ALPL: variants seen among roughly 807,000 people sequenced by gnomAD.
ALPL encodes the protein alkaline phosphatase, tissue-nonspecific isozyme.
A neutral mutation model predicts 51.3 loss-of-function variants in ALPL; 42 were observed. The observed-to-expected ratio is 0.82, with a 90% CI of 0.64 to 1.06. The LOEUF (loss-of-function observed/expected upper bound fraction) is 1.06, where lower values mean the gene tolerates loss of function less well. Among genes scored for constraint, ALPL ranks in the 50% least tolerant of loss-of-function variants. The pLI, the probability that ALPL is intolerant of heterozygous loss-of-function variation, is 0.00. For synonymous variants in ALPL, 279 were observed against 296.4 expected, an observed-to-expected ratio of 0.94 and a Z score of 0.60; for missense variants, 589 against 709.4, an observed-to-expected ratio of 0.83 and a Z score of 1.93.
intron 6 of ALPL, among the ~76,000 whole-genome samples, chr1:21,565,129 C>T (rs1471571554): frequency 6.6e-6 from 1 of 152,200 alleles, no homozygotes; most frequent in African/African-American, 2.4e-5. Context: ...TTTCTCTCCA[C>T]CACCAGACAA....
intron 4 of ALPL, among the ~76,000 whole-genome samples, chr1:21,561,543 C>A (rs1644485044): frequency 6.6e-6 from 1 of 152,108 alleles, no homozygotes; most frequent in African/African-American, 2.4e-5. Context: ...GTGTGTACCA[C>A]CACATATGGA....
intron 1 of ALPL, among the ~76,000 whole-genome samples, chr1:21,550,387 T>C (rs1644305444): frequency 6.6e-6 from 1 of 152,082 alleles, no homozygotes; most frequent in Non-Finnish European, 1.5e-5. Flanking sequence ...AGAGCCTTGG[T>C]TTTCTCATCT....
chr1:21,560,321 C>T (rs911606515), intron 2 of ALPL, among the ~76,000 whole-genome samples: 4 of 152,228 alleles, frequency 2.6e-5, no homozygotes, highest in Admixed American at 1.3e-4. Context: ...GGCTTTGGAG[C>T]GAAACCCAGC....
chr1:21,560,612 C>G lies in ALPL; in HGVS notation c.62-14C>G, dbSNP rs151321449. ...TCCTTACCCCGCCAAGTAACTGCCT[C>G]TCTCTGTGTTTAGAGAAAGAGAAAG... On this transcript the variant is annotated splice_polypyrimidine_tract_variant and intron_variant, in intron 2 of 11. Coordinates refer to ENST00000374840, the MANE Select transcript of ALPL (RefSeq NM_000478.6). The G allele has an allele frequency of 3.7e-6, 6 of 1,613,770 alleles. No individual in the cohort carries two copies. Among genetic ancestry groups the G allele is most frequent in the Admixed American group, 3.3e-5 (2 of 60,014 alleles).
At chr1:21,556,261 T>C (rs1644412386) in intron 2 of ALPL, among the ~76,000 whole-genome samples, 1 of 152,198 alleles carries the variant, frequency 6.6e-6, no homozygotes, top group African/African-American at 2.4e-5. Flanking sequence ...AATTCACATT[T>C]CTTATGAATG....
intron 1 of ALPL, among the ~76,000 whole-genome samples, chr1:21,534,959 G>A (rs1168542780): frequency 3.9e-5 from 6 of 151,996 alleles, no homozygotes; most frequent in Non-Finnish European, 8.8e-5. Flanking sequence ...CTTTTTCCCC[G>A]CTGTACTTAC....
chr1:21,552,606 C>T (rs1644347355), intron 1 of ALPL, among the ~76,000 whole-genome samples: 1 of 152,112 alleles, frequency 6.6e-6, no homozygotes, highest in African/African-American at 2.4e-5. Context: ...GAGACAGGGT[C>T]TCGCTGTGTT....
chr1:21,552,497 AAAG>A (rs1644345361), intron 1 of ALPL, among the ~76,000 whole-genome samples: 1 of 152,076 alleles, frequency 6.6e-6, no homozygotes, highest in Non-Finnish European at 1.5e-5. Context: ...AAAAAAAGAA[AAAG>A]AAAAAATCTT....
At chr1:21,559,027 T>C (rs906144876) in intron 2 of ALPL, among the ~76,000 whole-genome samples, 1 of 151,752 alleles carries the variant, frequency 6.6e-6, no homozygotes, top group Non-Finnish European at 1.5e-5. Context: ...AGCCAGTGCG[T>C]GTGTGAGGAA....
At chr1:21,575,409 G>A (rs941757297) in intron 9 of ALPL, among the ~76,000 whole-genome samples, 6 of 152,160 alleles carry the variant, frequency 3.9e-5, no homozygotes, top group African/African-American at 1.2e-4. Context: ...AGGCTTCAGT[G>A]CCTCCTTCAA....
At chr1:21,574,550 C>T (rs1375317778) in intron 9 of ALPL, 5 of 152,606 alleles carry the variant, frequency 3.3e-5, no homozygotes, top group East Asian at 1.9e-4. Context: ...CATGCACACA[C>T]GTGAACATGT....
chr1:21,513,852 G>A (rs987429885), intron 1 of ALPL, among the ~76,000 whole-genome samples: 5 of 152,210 alleles, frequency 3.3e-5, no homozygotes, highest in East Asian at 1.9e-4. Flanking sequence ...CACAGTGGCT[G>A]GAGCTGATTA....
At chr1:21,509,251 C>A (rs1643629545), upstream of ALPL, 1 of 149,716 alleles carries the variant, frequency 6.7e-6, no homozygotes, top group East Asian at 2.0e-4. This position sits in a 1 kb window ranked among gnomAD's most constrained non-coding sequence, Gnocchi z 6.0. Context: ...CGGCAGGGGG[C>A]GCCCTGGCCT....
At chr1:21,552,637 C>G (rs969737111) in intron 1 of ALPL, among the ~76,000 whole-genome samples, 3 of 152,164 alleles carry the variant, frequency 2.0e-5, no homozygotes, top group Admixed American at 6.5e-5. Flanking sequence ...GTCTCCAACT[C>G]CAGGCCTGAA....
At position 21,570,860 on chromosome 1, in the gene ALPL, G is replaced by A. The variant is rs376699270; in HGVS notation, c.862+486G>A. ...GCCCAGGGGCAGCTTCAGGTCTGGT[G>A]GGATGCAGCCCTGAGCACCACCATG... On this transcript the variant is annotated intron_variant, in intron 8 of 11. Transcript: ENST00000374840. Among the ~76,000 whole-genome samples the A allele has an allele frequency of 5.9e-5, 9 of 152,332 alleles. 1 individual carries two copies. In the East Asian group the frequency reaches 1.7e-3, roughly 29 times the overall value.
intron 1 of ALPL, among the ~76,000 whole-genome samples, chr1:21,525,097 T>A (rs550657011): frequency 4.6e-5 from 7 of 152,378 alleles, no homozygotes; most frequent in African/African-American, 1.7e-4. Flanking sequence ...AACTTTGTTC[T>A]GAAATTTCCC....
intron 1 of ALPL, among the ~76,000 whole-genome samples, chr1:21,534,550 G>A (rs1441655496): frequency 6.6e-6 from 1 of 152,188 alleles, no homozygotes; most frequent in Non-Finnish European, 1.5e-5. Flanking sequence ...TAGGGTAGTG[G>A]ATGTGGGCTT....
intron 1 of ALPL, among the ~76,000 whole-genome samples, chr1:21,523,524 T>C (rs1300909973): frequency 2.0e-5 from 3 of 152,180 alleles, no homozygotes; most frequent in African/African-American, 7.2e-5. Context: ...GCTGGCGCTA[T>C]ATGATCCGTG....
In ALPL at chr1:21,536,160, C is replaced by T. The variant is rs60236072; in HGVS notation, c.-104-17818C>T. On this transcript the variant is annotated intron_variant, in intron 1 of 11. Coordinates refer to ENST00000374840, the MANE Select transcript of ALPL (RefSeq NM_000478.6). The stretch of plus-strand genomic sequence containing the variant: ...TCAGAAAGTGAGGATCTGAGTCCTG[C>T]AGGGCTATTAGACAAGTCCAGCCCC... Among the ~76,000 whole-genome samples the T allele has an allele frequency of 8.6e-3, 1,310 of 152,314 alleles. 27 individuals carry two copies. Among genetic ancestry groups the T allele is most frequent in the African/African-American group, 0.03 (1,256 of 41,568 alleles).
Sources: gnomAD v4.1 joint callset for allele counts (sites outside exome capture counted in the v4.1 genomes callset) on GRCh38, gnomAD v4.1.1 for gene constraint, Gnocchi (gnomAD v3.1) non-coding constraint, MANE v1.5 for transcripts, NCBI Gene and HGNC (gene_info 2026-07-23, HGNC 2026-07-21) for gene names.